PDE11A: variants seen among roughly 807,000 people sequenced by gnomAD.
PDE11A encodes the protein phosphodiesterase 11A, also known as dual 3',5'-cyclic-AMP and -GMP phosphodiesterase 11A.
PDE11A carries 100 observed loss-of-function variants against 100.5 expected under a neutral mutation model. The ratio of observed to expected loss-of-function variants is 1.00; its 90% CI spans 0.85 to 1.18. The LOEUF (loss-of-function observed/expected upper bound fraction) is 1.18, where lower values mean the gene tolerates loss of function less well. Among genes scored for constraint, PDE11A ranks in the 50% most tolerant of loss-of-function variants. The pLI is 0.00. For synonymous variants in PDE11A, 381 were observed against 420.8 expected (o/e 0.91, Z 1.16); for missense variants, 1,141 against 1,152.6 (o/e 0.99, Z 0.15).
At chr2:177,907,436 T>C (rs1224098996) in intron 2 of PDE11A, among the ~76,000 whole-genome samples, 4 of 152,228 alleles carry the variant, frequency 2.6e-5, no homozygotes, top group African/African-American at 9.6e-5. Context: ...TCTGTCATTG[T>C]GTCAGGCATG....
intron 7 of PDE11A, among the ~76,000 whole-genome samples, chr2:177,819,870 C>CTA: frequency 7.4e-6 from 1 of 135,036 alleles, no homozygotes; most frequent in Non-Finnish European, 1.6e-5. Context: ...TTCTCTCTTT[C>CTA]TCTCTCTCTC....
chr2:178,105,993 T>C (rs971200585), intron 1 of PDE11A, among the ~76,000 whole-genome samples: 6 of 152,194 alleles, frequency 3.9e-5, no homozygotes, highest in Non-Finnish European at 7.3e-5. Flanking sequence ...GAATTACTAC[T>C]ACAGACATCA....
rs1297059901 is a variant in PDE11A at position 178,032,808 on chromosome 2, C to T, written c.913-18348G>A. On this transcript the variant is annotated intron_variant, in intron 1 of 19. Coordinates refer to ENST00000286063, the MANE Select transcript of PDE11A (RefSeq NM_016953.4). Reference sequence around the variant, plus strand: ...CTGCAGCAGACCTGCAGAAGAGGGACCTGATTGTTAGAAGAAAAACTAACA... The same window carrying T: ...CTGCAGCAGACCTGCAGAAGAGGGATCTGATTGTTAGAAGAAAAACTAACA... 2.0e-5 allele frequency among the ~76,000 whole-genome samples: 3 copies of T among 152,182 alleles called. No homozygotes were observed. The East Asian group carries it at 5.8e-4, about 29-fold the overall frequency.
At chr2:177,725,823 A>G (rs2081591783) in intron 12 of PDE11A, among the ~76,000 whole-genome samples, 1 of 152,066 alleles carries the variant, frequency 6.6e-6, no homozygotes, top group South Asian at 2.1e-4. Flanking sequence ...CCCCTATTCC[A>G]ACTATTTTAA....
At chr2:177,939,187 C>A (rs1221721111) in intron 2 of PDE11A, among the ~76,000 whole-genome samples, 2 of 152,080 alleles carry the variant, frequency 1.3e-5, no homozygotes, top group Non-Finnish European at 2.9e-5. Flanking sequence ...AGATGTTTTG[C>A]TAGGCTAAAC....
In PDE11A at chr2:177,887,027, C is replaced by T. The variant is rs191344152; in HGVS notation, c.1302+11031G>A. Among the ~76,000 whole-genome samples the T allele has an allele frequency of 1.9e-3, 284 of 152,174 alleles. 1 individual carries two copies. The highest frequency in any genetic ancestry group is 6.7e-3 in the African/African-American group (280 of 41,508). On this transcript the variant is annotated intron_variant, in intron 4 of 19. Transcript: ENST00000286063. ...GGAAACAGGTGACCCAGCTTCACCC[C>T]AAGAAACTGAACCAAGCTGCCTCTA...
chr2:177,916,764 ATTTG>A (rs1351838609), intron 2 of PDE11A, among the ~76,000 whole-genome samples: 2 of 150,242 alleles, frequency 1.3e-5, no homozygotes, highest in Admixed American at 6.6e-5. Context: ...TATTTTAATT[ATTTG>A]TTTATTTATG....
At chr2:177,732,402 C>T (rs2081704758) in intron 10 of PDE11A, among the ~76,000 whole-genome samples, 1 of 152,096 alleles carries the variant, frequency 6.6e-6, no homozygotes, top group African/African-American at 2.4e-5. Flanking sequence ...AGATAGAGGC[C>T]CTGTCCCAAA....
chr2:178,003,112 T>A (rs1025110867), intron 2 of PDE11A, among the ~76,000 whole-genome samples: 1 of 152,096 alleles, frequency 6.6e-6, no homozygotes, highest in African/African-American at 2.4e-5. Flanking sequence ...TTCAAAATAG[T>A]GCAGCTGTTT....
At chr2:177,672,274 A>G (rs1264733031) in intron 17 of PDE11A, among the ~76,000 whole-genome samples, 2 of 152,234 alleles carry the variant, frequency 1.3e-5, no homozygotes, top group East Asian at 3.8e-4. Flanking sequence ...TCACACTGAA[A>G]TTTAAACCAA....
chr2:177,848,238 T>C (rs978033222), intron 5 of PDE11A, among the ~76,000 whole-genome samples: 9 of 152,314 alleles, frequency 5.9e-5, no homozygotes, highest in Non-Finnish European at 4.4e-5. Context: ...ACAGTGGGGA[T>C]ATTTTAAAAA....
chr2:177,984,294 G>C (rs957632731), intron 2 of PDE11A, among the ~76,000 whole-genome samples: 2 of 152,006 alleles, frequency 1.3e-5, no homozygotes, highest in African/African-American at 4.8e-5. Flanking sequence ...GTAGCAACAG[G>C]GTAAGGGAAA....
chr2:178,072,834 A>T, upstream of PDE11A: 2 of 1,186,872 alleles, frequency 1.7e-6, no homozygotes, highest in Non-Finnish European at 2.1e-6. Flanking sequence ...TGAGTGAGGC[A>T]CGGAGCCTGG....
At chr2:177,853,517 C>T (rs540647075) in intron 5 of PDE11A, among the ~76,000 whole-genome samples, 2 of 150,578 alleles carry the variant, frequency 1.3e-5, no homozygotes, top group African/African-American at 4.9e-5. Flanking sequence ...GATACTAGAG[C>T]AGTCAGGATT....
At position 177,662,669 on chromosome 2, in the gene PDE11A, A is replaced by G. The variant is rs528877119; in HGVS notation, c.2646+1197T>C. Among the ~76,000 whole-genome samples the G allele has an allele frequency of 2.0e-5, 3 of 152,350 alleles. No individual in the cohort carries two copies. In the South Asian group the frequency reaches 6.2e-4, roughly 32 times the overall value. On this transcript the variant is annotated intron_variant, in intron 19 of 19. Coordinates refer to ENST00000286063, the MANE Select transcript of PDE11A (RefSeq NM_016953.4). The stretch of plus-strand genomic sequence containing the variant: ...TTGCCCAATCTTCCATTATTAAATA[A>G]AAGAACATTATGTTCCTTTTATAAC...
intron 9 of PDE11A, among the ~76,000 whole-genome samples, chr2:177,788,818 A>G (rs1360755415): frequency 6.6e-6 from 1 of 152,114 alleles, no homozygotes; most frequent in East Asian, 1.9e-4. Context: ...CGACACATAC[A>G]CTCTCCCAAG....
At chr2:177,662,011 A>G (rs1416705002) in intron 19 of PDE11A, among the ~76,000 whole-genome samples, 2 of 152,254 alleles carry the variant, frequency 1.3e-5, no homozygotes, top group African/African-American at 4.8e-5. Context: ...TAACCGACAG[A>G]TAAGTAGTAA....
chr2:178,014,493 T>A, intron 1 of PDE11A, 33 bp from the exon 2 acceptor site: 1 of 1,570,112 alleles, frequency 6.4e-7, no homozygotes, highest in Non-Finnish European at 8.8e-7. Flanking sequence ...ATTAACTGCA[T>A]GTGCATTGTT....
chr2:177,644,442 G>A (rs2080190501), intron 19 of PDE11A, among the ~76,000 whole-genome samples: 1 of 152,194 alleles, frequency 6.6e-6, no homozygotes, highest in African/African-American at 2.4e-5. Context: ...TAGCCCCTTT[G>A]TTTTGGCCAA....
Sources: gnomAD v4.1 joint callset for allele counts (sites outside exome capture counted in the v4.1 genomes callset) on GRCh38, gnomAD v4.1.1 for gene constraint, MANE v1.5 for transcripts, NCBI Gene and HGNC (gene_info 2026-07-23, HGNC 2026-07-21) for gene names.